The following CNTNAP2 variants were observed in gnomAD, a reference collection of about 807,000 sequenced individuals.
The protein encoded by CNTNAP2 is contactin-associated protein-like 2.
A neutral mutation model predicts 155.2 loss-of-function variants in CNTNAP2; 98 were observed. The observed-to-expected ratio is 0.63, with a 90% CI of 0.54 to 0.75. CNTNAP2 has a LOEUF of 0.75. CNTNAP2 is among the 30% of genes least tolerant of loss of function. The pLI, the probability that CNTNAP2 is intolerant of heterozygous loss-of-function variation, is 0.00. For missense variants in CNTNAP2, 1,727 were observed against 1,688.1 expected, an observed-to-expected ratio of 1.02 and a Z score of -0.40; for synonymous variants, 651 against 631.2, an observed-to-expected ratio of 1.03 and a Z score of -0.47.
chr7:148,237,678 T>G (rs909485949), intron 20 of CNTNAP2, among the ~76,000 whole-genome samples: 4 of 151,874 alleles, frequency 2.6e-5, no homozygotes, highest in African/African-American at 9.7e-5. Flanking sequence ...TGCTGTAAAG[T>G]CAGTAGTCTG....
At chr7:147,717,308 G>A (rs994392254) in intron 13 of CNTNAP2, among the ~76,000 whole-genome samples, 1 of 152,088 alleles carries the variant, frequency 6.6e-6, no homozygotes, top group African/African-American at 2.4e-5. Context: ...TTCCCGAGGC[G>A]CAGCATTGTA....
chr7:147,038,709 T>G (rs1340781233), intron 3 of CNTNAP2, among the ~76,000 whole-genome samples: 1 of 152,208 alleles, frequency 6.6e-6, no homozygotes, highest in Admixed American at 6.5e-5. Context: ...CTGAACAACC[T>G]CTGAAGCACT....
At chr7:147,643,139 G>A (rs1212373559) in intron 13 of CNTNAP2, among the ~76,000 whole-genome samples, 1 of 152,022 alleles carries the variant, frequency 6.6e-6, no homozygotes, top group Non-Finnish European at 1.5e-5. Context: ...TTTAATTTAT[G>A]GCATGAAGGT....
At chr7:147,289,307 A>C (rs1484746838) in intron 8 of CNTNAP2, among the ~76,000 whole-genome samples, 1 of 152,152 alleles carries the variant, frequency 6.6e-6, no homozygotes, top group Non-Finnish European at 1.5e-5. Flanking sequence ...TTCATTAATC[A>C]ATAGTCAGAT....
chr7:147,441,401 T>C (rs1208020627), intron 10 of CNTNAP2, among the ~76,000 whole-genome samples: 1 of 152,188 alleles, frequency 6.6e-6, no homozygotes, highest in Non-Finnish European at 1.5e-5. Flanking sequence ...TCAAAACGGC[T>C]ATTTGTGAAT....
At chr7:147,351,278 A>T (rs1584892024) in intron 9 of CNTNAP2, among the ~76,000 whole-genome samples, 1 of 151,930 alleles carries the variant, frequency 6.6e-6, no homozygotes, top group South Asian at 2.1e-4. Context: ...AAAAAATTTA[A>T]GCTTATAAAT....
At chr7:147,692,565 A>G (rs1023779926) in intron 13 of CNTNAP2, among the ~76,000 whole-genome samples, 1 of 152,098 alleles carries the variant, frequency 6.6e-6, no homozygotes, top group African/African-American at 2.4e-5. Flanking sequence ...GGTGTGCAGT[A>G]GTATCTAATT....
intron 15 of CNTNAP2, among the ~76,000 whole-genome samples, chr7:148,075,421 A>C (rs1461955013): frequency 1.3e-5 from 2 of 151,342 alleles, no homozygotes; most frequent in African/African-American, 4.9e-5. Context: ...TGGGTGACAC[A>C]GCAAAACTTA....
At position 148,361,533 on chromosome 7, in the gene CNTNAP2, G is replaced by C. The variant is rs1025768212; in HGVS notation, c.3476-22116G>C. Among the ~76,000 whole-genome samples, 2 of 152,180 alleles carry C rather than the reference G, an allele frequency of 1.3e-5. 1 individual carries two copies. Among genetic ancestry groups the C allele is most frequent in the South Asian group, 4.1e-4 (2 of 4,828 alleles). On this transcript the variant is annotated intron_variant, in intron 21 of 23. Transcript: ENST00000361727. ...TTCCAGCTTCTGATCGTTACTGGAA[G>C]ACCTTGGTTTTTCTGGGCTTGTAGA...
intron 13 of CNTNAP2, among the ~76,000 whole-genome samples, chr7:147,811,019 G>C (rs1253088188): frequency 6.6e-6 from 1 of 152,176 alleles, no homozygotes; most frequent in East Asian, 1.9e-4. Context: ...AAAGTTACTA[G>C]GAAGTAGGCA....
chr7:147,939,560 C>G (rs1029890186), intron 14 of CNTNAP2, among the ~76,000 whole-genome samples: 1 of 152,132 alleles, frequency 6.6e-6, no homozygotes, highest in African/African-American at 2.4e-5. Flanking sequence ...AATTCCTGAC[C>G]TTGTGACCCA....
intron 8 of CNTNAP2, among the ~76,000 whole-genome samples, chr7:147,266,771 T>C (rs1804620827): frequency 6.6e-6 from 1 of 152,218 alleles, no homozygotes; most frequent in South Asian, 2.1e-4. Flanking sequence ...TATTAAGTCA[T>C]TTATCATAAG....
intron 8 of CNTNAP2, among the ~76,000 whole-genome samples, chr7:147,255,069 G>A (rs1428106587): frequency 6.6e-6 from 1 of 152,198 alleles, no homozygotes; most frequent in Non-Finnish European, 1.5e-5. Flanking sequence ...AGCAAAGTGT[G>A]CATAGATAAT....
chr7:146,445,044 A>G (rs550656433), intron 1 of CNTNAP2, among the ~76,000 whole-genome samples: 23 of 152,150 alleles, frequency 1.5e-4, no homozygotes, highest in African/African-American at 5.5e-4. Context: ...ATCATTTCAT[A>G]AACAAAAAAA....
At chr7:146,737,853 G>T (rs1801647444) in intron 1 of CNTNAP2, among the ~76,000 whole-genome samples, 1 of 151,846 alleles carries the variant, frequency 6.6e-6, no homozygotes, top group Non-Finnish European at 1.5e-5. Flanking sequence ...GTATTCTATT[G>T]TGTGTGTGCG....
At position 148,238,395 on chromosome 7, in the gene CNTNAP2, A is replaced by C. The variant is rs1468222092; in HGVS notation, c.3381+8616A>C. ...TGAATAAGGTCCCAGTGCTCACAAG[A>C]GACATGATCTTCTCTAGAACCCAGC... is the stretch of plus-strand genomic sequence containing the variant. On this transcript the variant is annotated intron_variant, in intron 20 of 23. Coordinates refer to ENST00000361727, the MANE Select transcript of CNTNAP2 (RefSeq NM_014141.6). Among the ~76,000 whole-genome samples, 3 of 152,314 alleles carry C rather than the reference A, an allele frequency of 2.0e-5. No homozygotes were observed. In the East Asian group the frequency reaches 5.8e-4, roughly 29 times the overall value.
At chr7:146,765,871 G>A (rs1802185124) in intron 1 of CNTNAP2, among the ~76,000 whole-genome samples, 1 of 152,140 alleles carries the variant, frequency 6.6e-6, no homozygotes, top group Admixed American at 6.6e-5. Flanking sequence ...ATTTTAGCTG[G>A]ACAGCGGAGA....
intron 3 of CNTNAP2, among the ~76,000 whole-genome samples, chr7:146,861,523 CACTT>C (rs1373902855): frequency 2.0e-5 from 3 of 152,038 alleles, no homozygotes; most frequent in Non-Finnish European, 1.5e-5. Context: ...ATTAATCTGA[CACTT>C]AGAGATTGTG....
intron 3 of CNTNAP2, among the ~76,000 whole-genome samples, chr7:146,985,752 A>T (rs1798104689): frequency 6.6e-6 from 1 of 152,184 alleles, no homozygotes; most frequent in African/African-American, 2.4e-5. Context: ...TAAAGAAACC[A>T]GATATAGAAA....
Sources: gnomAD v4.1 joint callset for allele counts (sites outside exome capture counted in the v4.1 genomes callset) on GRCh38, gnomAD v4.1.1 for gene constraint, MANE v1.5 for transcripts, NCBI Gene and HGNC (gene_info 2026-07-23, HGNC 2026-07-21) for gene names.